The following USP17L1 variants were observed in gnomAD, a reference collection of about 807,000 sequenced individuals.
The protein encoded by USP17L1 is ubiquitin specific peptidase 17 like family member 1.
Under a neutral mutation model 31.4 loss-of-function variants are expected in USP17L1, and 42 were observed. The ratio of observed to expected loss-of-function variants is 1.34; its 90% confidence interval spans 1.05 to 1.73. The LOEUF (loss-of-function observed/expected upper bound fraction) is 1.73. USP17L1 is among the 40% of genes most tolerant of loss of function. The pLI is 0.00. For synonymous variants in USP17L1, 230 were observed against 194.4 expected, an observed-to-expected ratio of 1.18 and a Z score of -1.52; for missense variants, 576 against 495.8, an observed-to-expected ratio of 1.16 and a Z score of -1.54.
chr8:7,333,350 G>C lies in USP17L1; in HGVS notation c.964G>C (p.Val322Leu). The C allele has an allele frequency of 6.4e-7, 1 of 1,557,976 alleles. No homozygotes were observed. The highest frequency in any genetic ancestry group is 8.6e-7 in the Non-Finnish European group (1 of 1,159,876). The change falls in exon 1 of 1, where the codon GTG becomes CTG. Residue 322 changes from valine to leucine, a missense_variant. Transcript: ENST00000529559. ...TGPLVYVLYA[V>L]LVHAGWSCHD... ...ACCTCTTGTCTATGTCCTCTATGCT[G>C]TGCTGGTCCACGCTGGGTGGAGTTG...
Position 7,333,834 on chromosome 8 carries a change from A to T in USP17L1, c.1448A>T (p.Gln483Leu). ...ATGAAAAACCATCATCCTGAACAGC[A>T]AAGCTCCCTGCTAAACCTCTCTTCG... ...CGMKNHHPEQ[Q>L]SSLLNLSSTT... Residue 483 changes from glutamine to leucine, a missense_variant, in exon 1 of 1, where the codon CAA (glutamine) becomes CTA (leucine). Transcript: ENST00000529559. The T allele has an allele frequency of 6.9e-7, 1 of 1,451,358 alleles. No individual in the cohort carries two copies. Among genetic ancestry groups the T allele is most frequent in the South Asian group, 1.2e-5 (1 of 85,738 alleles). The allele number at this position is 1,451,358 out of a possible 1,614,324, so 89.9% of individuals were successfully genotyped here.
In USP17L1 at chr8:7,333,630, T is replaced by C; in HGVS notation, c.1244T>C (p.Leu415Pro). ...QGELKRDHPC[L>P]QAPELDEHLV... Reference sequence around the variant, plus strand: ...GAGCTCAAGAGAGACCACCCCTGCCTCCAGGCACCCGAGTTGGACGAGCAC... The same window carrying C: ...GAGCTCAAGAGAGACCACCCCTGCCCCCAGGCACCCGAGTTGGACGAGCAC... The change falls in exon 1 of 1, where the codon CTC (leucine) becomes CCC (proline). Residue 415 changes from leucine to proline, a missense_variant. Coordinates refer to ENST00000529559, the MANE Select transcript of USP17L1 (RefSeq NM_001256873.1). 2.8e-6 allele frequency: 4 copies of C among 1,453,316 alleles called. No homozygotes were observed. In the South Asian group the frequency reaches 4.6e-5, roughly 17 times the overall value. 90.0% of individuals were successfully genotyped at this position (1,453,316 alleles called of 1,614,324 possible).
chr8:7,332,909 G>T lies in USP17L1; in HGVS notation c.523G>T (p.Ala175Ser). Residue 175 changes from alanine to serine, a missense_variant, in exon 1 of 1, where the codon GCA (alanine) becomes TCA (serine). Transcript: ENST00000529559. ...GTTCACTGTGGATGCCATGAAAAAG[G>T]CATGCCTTCCCGGCCACAAGCAGGT... ...LMFTVDAMKK[A>S]CLPGHKQVDH... is the part of the protein sequence containing the mutation. 6.6e-7 allele frequency: 1 copy of T among 1,519,980 alleles called. No individual in the cohort carries two copies. The highest frequency in any genetic ancestry group is 8.8e-7 in the Non-Finnish European group (1 of 1,137,072). 94.2% of individuals were successfully genotyped at this position (1,519,980 alleles called of 1,614,324 possible).
Position 7,332,932 on chromosome 8 carries a change from G to T in USP17L1, c.546G>T (p.Gln182His). 2.6e-6 allele frequency: 4 copies of T among 1,558,548 alleles called. 1 individual carries two copies. Among genetic ancestry groups the T allele is most frequent in the Middle Eastern group, 2.3e-4 (1 of 4,334 alleles). ...MKKACLPGHKQVDHHCKDTTL... is the reference protein window; with the variant it reads ...MKKACLPGHKHVDHHCKDTTL... Reference sequence around the variant, plus strand: ...AGGCATGCCTTCCCGGCCACAAGCAGGTAGATCATCACTGCAAGGACACCA... The same window carrying T: ...AGGCATGCCTTCCCGGCCACAAGCATGTAGATCATCACTGCAAGGACACCA... Residue 182 changes from glutamine (Q) to histidine (H), a missense_variant, in exon 1 of 1, where the codon CAG becomes CAT. Coordinates refer to ENST00000529559, the MANE Select transcript of USP17L1 (RefSeq NM_001256873.1).
rs553328557 is a variant in USP17L1 at position 7,333,772 on chromosome 8, C to G, written c.1386C>G (p.Asn462Lys). ...AAGTCGAAGGTACCCTGCCTCCCAA[C>G]GCACTTGTGATTCATCAATCAAAAT... is the stretch of plus-strand genomic sequence containing the variant. ...VGKVEGTLPP[N>K]ALVIHQSKYK... The change falls in exon 1 of 1, where the codon AAC (asparagine) becomes AAG (lysine). Residue 462 changes from asparagine to lysine, a missense_variant. Physicochemically the swap from Asn to Lys is moderately conservative, Grantham distance 94. Transcript: ENST00000529559. 17 of 1,507,980 alleles carry G rather than the reference C, an allele frequency of 1.1e-5. 1 individual carries two copies. The highest frequency in any genetic ancestry group is 1.5e-5 in the Non-Finnish European group (17 of 1,111,750). The allele number at this position is 1,507,980 out of a possible 1,614,324, so 93.4% of individuals were successfully genotyped here.
chr8:7,332,912 T>A lies in USP17L1; in HGVS notation c.526T>A (p.Cys176Ser). The A allele has an allele frequency of 6.5e-7, 1 of 1,528,278 alleles. No individual in the cohort carries two copies. The highest frequency in any genetic ancestry group is 8.7e-7 in the Non-Finnish European group (1 of 1,143,598). The allele number at this position is 1,528,278 out of a possible 1,614,324, so 94.7% of individuals were successfully genotyped here. ...MFTVDAMKKA[C>S]LPGHKQVDHH... The stretch of plus-strand genomic sequence containing the variant: ...CACTGTGGATGCCATGAAAAAGGCA[T>A]GCCTTCCCGGCCACAAGCAGGTAGA... The change falls in exon 1 of 1, where the codon TGC becomes AGC. Residue 176 changes from cysteine to serine, a missense_variant. By Grantham distance (112) the Cys-to-Ser change is moderately radical (BLOSUM62 -1). Transcript: ENST00000529559.
Position 7,332,837 on chromosome 8 carries a change from G to A in USP17L1, c.451G>A (p.Ala151Thr). ...HVIQPSQALAAGFHRGKQEDV... is the reference protein window; with the variant it reads ...HVIQPSQALATGFHRGKQEDV... ...CATCCAGCCCTCACAGGCATTGGCT[G>A]CTGGCTTCCATAGAGGCAAGCAGGA... The change falls in exon 1 of 1, where the codon GCT (alanine) becomes ACT (threonine). Residue 151 changes from alanine to threonine, a missense_variant. Physicochemically the swap from Ala to Thr is moderately conservative, Grantham distance 58. Transcript: ENST00000529559. 1 of 923,676 alleles carries A rather than the reference G, an allele frequency of 1.1e-6. No individual in the cohort carries two copies. The highest frequency in any genetic ancestry group is 1.6e-6 in the Non-Finnish European group (1 of 623,730). 57.2% of individuals were successfully genotyped at this position (923,676 alleles called of 1,614,324 possible).
chr8:7,333,723 C>G lies in USP17L1; in HGVS notation c.1337C>G (p.Thr446Arg), dbSNP rs757461657. The change falls in exon 1 of 1, where the codon ACG becomes AGG. Residue 446 changes from threonine (T) to arginine (R), a missense_variant. Physicochemically the swap from Thr to Arg is moderately conservative, Grantham distance 71. Transcript: ENST00000529559. ...HWKFLQEQNK[T>R]KPEFNVGKVE... ...AAATTCCTGCAAGAGCAAAACAAAA[C>G]GAAGCCTGAGTTCAACGTCGGAAAA... 3 of 1,586,404 alleles carry G rather than the reference C, an allele frequency of 1.9e-6. No individual in the cohort carries two copies. The highest frequency in any genetic ancestry group is 4.5e-5 in the East Asian group (2 of 44,454).
chr8:7,332,759 C>T lies in USP17L1; in HGVS notation c.373C>T (p.Leu125Phe), dbSNP rs774241353. ...ATGTCAGCGTCCCAAGTGCTGCATGCTCTGTACTATGCAAGCTCACATCAC... is the reference window on the plus strand; with the variant it reads ...ATGTCAGCGTCCCAAGTGCTGCATGTTCTGTACTATGCAAGCTCACATCAC... ...QTCQRPKCCM[L>F]CTMQAHITWA... The change falls in exon 1 of 1, where the codon CTC (leucine) becomes TTC (phenylalanine). Residue 125 changes from leucine (L) to phenylalanine (F), a missense_variant. Leu to Phe is a conservative substitution (Grantham distance 22, BLOSUM62 0). Transcript: ENST00000529559. 1.6e-6 allele frequency: 1 copy of T among 616,548 alleles called. No individual in the cohort carries two copies. Among genetic ancestry groups the T allele is most frequent in the Non-Finnish European group, 2.7e-6 (1 of 369,822 alleles). 38.2% of individuals were successfully genotyped at this position (616,548 alleles called of 1,614,324 possible).
In USP17L1 at chr8:7,332,544, A is replaced by G; in HGVS notation, c.158A>G (p.Asp53Gly). 1 of 504,628 alleles carries G rather than the reference A, an allele frequency of 2.0e-6. No homozygotes were observed. The highest frequency in any genetic ancestry group is 3.3e-6 in the Non-Finnish European group (1 of 303,234). The allele number at this position is 504,628 out of a possible 1,614,324, so 31.3% of individuals were successfully genotyped here. The stretch of plus-strand genomic sequence containing the variant: ...TCTGAGACCCGTGTCGACCTCTGTG[A>G]TGATTTGGCTCCTGTGGCAAGACAG... ...LSSETRVDLC[D>G]DLAPVARQLA... Residue 53 changes from aspartate to glycine, a missense_variant, in exon 1 of 1, where the codon GAT (aspartate) becomes GGT (glycine). Coordinates refer to ENST00000529559, the MANE Select transcript of USP17L1 (RefSeq NM_001256873.1).
rs1409166580 is a variant in USP17L1, at chr8:7,333,271, G to A, written c.885G>A (p.Val295=). The part of the protein sequence containing the change: ...DVAGNKLAKN[V]QYPECLDMQP... ...CAGGCAACAAACTTGCCAAGAATGT[G>A]CAATATCCTGAGTGCCTTGACATGC... The change falls in exon 1 of 1, where the codon GTG becomes GTA. Residue 295 remains valine, a synonymous_variant. Coordinates refer to ENST00000529559, the MANE Select transcript of USP17L1 (RefSeq NM_001256873.1). 2 of 1,041,332 alleles carry A rather than the reference G, an allele frequency of 1.9e-6. No individual in the cohort carries two copies. Among genetic ancestry groups the A allele is most frequent in the East Asian group, 4.9e-5 (2 of 41,170 alleles). The allele number at this position is 1,041,332 out of a possible 1,614,324, so 64.5% of individuals were successfully genotyped here.
At position 7,333,967 on chromosome 8, in the gene USP17L1, T is replaced by C; in HGVS notation, c.1581T>C (p.Leu527=). 1 of 1,583,010 alleles carries C rather than the reference T, an allele frequency of 6.3e-7. No homozygotes were observed. The highest frequency in any genetic ancestry group is 8.5e-7 in the Non-Finnish European group (1 of 1,175,234). ...ACAAACACAGCAAGAGGGCTCTGCT[T>C]GTGTGCCAGTGATCTCAGTGGAAGT... is the stretch of plus-strand genomic sequence containing the variant. ...GKNKHSKRAL[L]VCQ is the part of the protein sequence containing the mutation. Residue 527 remains leucine (L), a synonymous_variant, in exon 1 of 1, where the codon CTT becomes CTC. Coordinates refer to ENST00000529559, the MANE Select transcript of USP17L1 (RefSeq NM_001256873.1).
Position 7,333,114 on chromosome 8 carries a change from C to A in USP17L1, c.728C>A (p.Pro243His), listed in dbSNP as rs1219363009. 8.6e-6 allele frequency: 7 copies of A among 817,428 alleles called. No individual in the cohort carries two copies. The highest frequency in any genetic ancestry group is 1.3e-5 in the Non-Finnish European group (7 of 527,216). 50.6% of individuals were successfully genotyped at this position (817,428 alleles called of 1,614,324 possible). A position where few individuals can be genotyped will look rare whatever the true frequency, so the allele number is the denominator to read the frequency against. The part of the protein sequence containing the change: ...VKQALEQLVK[P>H]EELNGENAYH... The stretch of plus-strand genomic sequence containing the variant: ...CAAGCTTTGGAACAGTTGGTGAAGC[C>A]CGAAGAACTCAATGGAGAGAATGCC... Residue 243 changes from proline (P) to histidine (H), a missense_variant, in exon 1 of 1, where the codon CCC becomes CAC. Transcript: ENST00000529559.
In USP17L1 at chr8:7,332,812, C is replaced by T. The variant is rs770112929; in HGVS notation, c.426C>T (p.Val142=). 7.0e-6 allele frequency: 5 copies of T among 717,950 alleles called. No individual in the cohort carries two copies. Among genetic ancestry groups the T allele is most frequent in the South Asian group, 4.4e-5 (3 of 68,738 alleles). The allele number at this position is 717,950 out of a possible 1,614,324, so 44.5% of individuals were successfully genotyped here. Residue 142 remains valine, a synonymous_variant, in exon 1 of 1, where the codon GTC becomes GTT. Coordinates refer to ENST00000529559, the MANE Select transcript of USP17L1 (RefSeq NM_001256873.1). ...GGGCCCTCCACAGTCCTGGCCATGT[C>T]ATCCAGCCCTCACAGGCATTGGCTG... The part of the protein sequence containing the change: ...ITWALHSPGH[V]IQPSQALAAG...
Position 7,333,465 on chromosome 8 carries a change from T to A in USP17L1, c.1079T>A (p.Ile360Asn), listed in dbSNP as rs34694498. 3.2e-6 allele frequency: 5 copies of A among 1,567,376 alleles called. No homozygotes were observed. The highest frequency in any genetic ancestry group is 3.4e-5 in the Admixed American group (2 of 59,194). The stretch of plus-strand genomic sequence containing the variant: ...GCCGAGGTCACTGTCTGTAGCATCA[T>A]TTCTGTCCTGAGTCAACAGGCCTAT... Reference protein sequence around the residue: ...DDAEVTVCSIISVLSQQAYVL... With the variant: ...DDAEVTVCSINSVLSQQAYVL... The change falls in exon 1 of 1, where the codon ATT becomes AAT. Residue 360 changes from isoleucine (I) to asparagine (N), a missense_variant. By Grantham distance (149) the Ile-to-Asn change is moderately radical. Transcript: ENST00000529559.
At chr8:7,332,421 G>A in the USP17L1 span, 2 of 590,878 alleles carry the variant, frequency 3.4e-6, no homozygotes, top group Non-Finnish European at 5.6e-6. Flanking sequence ...GGAGGTGAGT[G>A]GCAGTTCAAC....
chr8:7,332,871 A>G lies in USP17L1; in HGVS notation c.485A>G (p.His162Arg), dbSNP rs1273460546. The G allele has an allele frequency of 8.2e-6, 9 of 1,099,536 alleles. No individual in the cohort carries two copies. The highest frequency in any genetic ancestry group is 1.8e-5 in the Admixed American group (1 of 55,548). 68.1% of individuals were successfully genotyped at this position (1,099,536 alleles called of 1,614,324 possible). A position where few individuals can be genotyped will look rare whatever the true frequency, so the allele number is the denominator to read the frequency against. The change falls in exon 1 of 1, where the codon CAT becomes CGT. Residue 162 changes from histidine (H) to arginine (R), a missense_variant. Physicochemically the swap from His to Arg is conservative, Grantham distance 29. Coordinates refer to ENST00000529559, the MANE Select transcript of USP17L1 (RefSeq NM_001256873.1). ...CATAGAGGCAAGCAGGAAGATGTCC[A>G]TGAATTTCTCATGTTCACTGTGGAT... ...GFHRGKQEDV[H>R]EFLMFTVDAM...
Position 7,333,451 on chromosome 8 carries a change from T to C in USP17L1, c.1065T>C (p.Thr355=), listed in dbSNP as rs1354602449. 19 of 1,568,898 alleles carry C rather than the reference T, an allele frequency of 1.2e-5. 1 individual carries two copies. The highest frequency in any genetic ancestry group is 1.5e-5 in the Non-Finnish European group (18 of 1,165,762). The change falls in exon 1 of 1, where the codon ACT becomes ACC. Residue 355 remains threonine (T), a synonymous_variant. Transcript: ENST00000529559. ...ATAAAATGGATGATGCCGAGGTCACTGTCTGTAGCATCATTTCTGTCCTGA... is the reference window on the plus strand; with the variant it reads ...ATAAAATGGATGATGCCGAGGTCACCGTCTGTAGCATCATTTCTGTCCTGA... The part of the protein sequence containing the change: ...QWYKMDDAEV[T]VCSIISVLSQ...
At position 7,332,881 on chromosome 8, in the gene USP17L1, C is replaced by G; in HGVS notation, c.495C>G (p.Leu165=). ...RGKQEDVHEF[L]MFTVDAMKKA... is the part of the protein sequence containing the mutation. ...AGCAGGAAGATGTCCATGAATTTCT[C>G]ATGTTCACTGTGGATGCCATGAAAA... Residue 165 remains leucine, a synonymous_variant, in exon 1 of 1, where the codon CTC becomes CTG. Transcript: ENST00000529559. 3.0e-6 allele frequency: 4 copies of G among 1,337,366 alleles called. No homozygotes were observed. The highest frequency in any genetic ancestry group is 4.1e-6 in the Non-Finnish European group (4 of 979,960). The allele number at this position is 1,337,366 out of a possible 1,614,324, so 82.8% of individuals were successfully genotyped here.
Sources: allele counts gnomAD v4.1 joint callset, GRCh38; gene constraint gnomAD v4.1.1; transcripts MANE v1.5; gene names NCBI Gene and HGNC (gene_info 2026-07-23, HGNC 2026-07-21).